The following KLC1 variants were observed in gnomAD, a reference collection of about 807,000 sequenced individuals.
The protein encoded by KLC1 is kinesin 2 60/70kDa.
In KLC1, 30 loss-of-function variants were observed where a neutral mutation model predicts 84.2. The observed-to-expected ratio is 0.36, with a 90% confidence interval of 0.27 to 0.48. KLC1 has a LOEUF of 0.48. KLC1 is among the 20% of genes least tolerant of loss of function. The probability of loss-of-function intolerance (pLI) is 0.99; values close to 1 mark genes in which losing one functional copy is unlikely to be tolerated. For missense variants in KLC1, 499 were observed against 805.4 expected (o/e 0.62, Z 4.60); for synonymous variants, 289 against 293.3 (o/e 0.99, Z 0.15).
intron 15 of KLC1, chr14:103,695,826 G>A: frequency 1.0e-6 from 1 of 985,404 alleles, no homozygotes; most frequent in Non-Finnish European, 1.2e-6. Flanking sequence ...CCTCCCTGAA[G>A]CCAGCTCATA....
chr14:103,638,183 T>C (rs925290663), intron 1 of KLC1, among the ~76,000 whole-genome samples: 2 of 152,144 alleles, frequency 1.3e-5, no homozygotes, highest in Non-Finnish European at 2.9e-5. Flanking sequence ...ACATCCCTTA[T>C]AAACCTTTGC....
intron 15 of KLC1, chr14:103,699,009 T>A: frequency 6.3e-7 from 1 of 1,587,232 alleles, no homozygotes; most frequent in Non-Finnish European, 8.6e-7. Context: ...AACACGTTCG[T>A]CCCAGAACCT....
chr14:103,676,347 C>A (rs910705234), intron 11 of KLC1, among the ~76,000 whole-genome samples: 1 of 152,130 alleles, frequency 6.6e-6, no homozygotes, highest in Non-Finnish European at 1.5e-5. Flanking sequence ...TGGCTCACTG[C>A]AACCTCCACC....
At chr14:103,649,415 C>T (rs1027247262) in intron 1 of KLC1, among the ~76,000 whole-genome samples, 2 of 151,824 alleles carry the variant, frequency 1.3e-5, no homozygotes, top group Admixed American at 1.3e-4. Flanking sequence ...TAGTGACTTA[C>T]AGTCTGTAGA....
intron 9 of KLC1, among the ~76,000 whole-genome samples, chr14:103,674,414 GTTTTC>G (rs1649105860): frequency 8.7e-6 from 1 of 115,260 alleles, no homozygotes; most frequent in African/African-American, 2.8e-5. Flanking sequence ...TCGTATGCTT[GTTTTC>G]TTTTTTTTTT....
chr14:103,685,614 T>G, intron 13 of KLC1: 1 of 1,289,290 alleles, frequency 7.8e-7, no homozygotes, highest in South Asian at 1.2e-5. Context: ...CACGTGGGTT[T>G]TCTCTCTCCT....
intron 9 of KLC1, among the ~76,000 whole-genome samples, chr14:103,674,149 A>G (rs2080674398): frequency 6.6e-6 from 1 of 152,172 alleles, no homozygotes; most frequent in Non-Finnish European, 1.5e-5. Context: ...AGAATCACCC[A>G]AATTCATCTT....
intron 1 of KLC1, among the ~76,000 whole-genome samples, chr14:103,648,439 T>C (rs2151430048): frequency 6.6e-6 from 1 of 152,278 alleles, no homozygotes; most frequent in Middle Eastern, 3.4e-3. Flanking sequence ...TCTCAATTTA[T>C]GTCCTCAGAA....
At position 103,694,950 on chromosome 14, in the gene KLC1, G is replaced by A. The variant is rs1046722599; in HGVS notation, c.1848+2525G>A. On this transcript the variant is annotated intron_variant, in intron 15 of 16. Coordinates refer to ENST00000334553, the MANE Select transcript of KLC1 (RefSeq NM_001394837.1). The surrounding 1 kb of genome is among the most constrained non-coding windows in gnomAD (Gnocchi z 4.5). ...AGACAAGCTCCGTGTAGTCGCCAGC[G>A]GGTGCCTGGCCCAGGAGCTGCCCTG... 2.8e-5 allele frequency: 28 copies of A among 985,428 alleles called. No individual in the cohort carries two copies. In the African/African-American group the frequency reaches 4.2e-4, roughly 15 times the overall value. The allele number at this position is 985,428 out of a possible 1,614,324, so 61.0% of individuals were successfully genotyped here.
In KLC1 at chr14:103,657,647, G is replaced by A. The variant is rs2078933174; in HGVS notation, c.363G>A (p.Arg121=). The A allele has an allele frequency of 6.2e-7, 1 of 1,614,040 alleles. No individual in the cohort carries two copies. The highest frequency in any genetic ancestry group is 8.5e-7 in the Non-Finnish European group (1 of 1,180,040). Residue 121 remains arginine (R), a synonymous_variant, in exon 3 of 17, where the codon CGG becomes CGA. Transcript: ENST00000334553. Reference sequence around the variant, plus strand: ...TGTGCCAGGAGAATCAGTGGCTACGGGATGAACTGGCCAACACGCAGCAGA... The same window carrying A: ...TGTGCCAGGAGAATCAGTGGCTACGAGATGAACTGGCCAACACGCAGCAGA... The part of the protein sequence containing the change: ...RRLCQENQWL[R]DELANTQQKL...
chr14:103,663,299 C>T (rs2079451265), intron 5 of KLC1, among the ~76,000 whole-genome samples: 1 of 152,064 alleles, frequency 6.6e-6, no homozygotes, highest in Non-Finnish European at 1.5e-5. Context: ...CCAGGATGGT[C>T]TCGATCTCCT....
At chr14:103,699,419 G>A (rs766900735) in intron 15 of KLC1, 1 of 1,612,386 alleles carries the variant, frequency 6.2e-7, no homozygotes, top group Admixed American at 1.7e-5. Context: ...ACGCAGCGTG[G>A]CCCCCAGGGA....
chr14:103,667,974 C>T (rs1467143746), intron 5 of KLC1, among the ~76,000 whole-genome samples: 2 of 152,342 alleles, frequency 1.3e-5, no homozygotes, highest in Middle Eastern at 3.4e-3. Flanking sequence ...AAAGATTCTT[C>T]GTTCCTCCAT....
chr14:103,629,346 G>C lies in KLC1; in HGVS notation c.-150G>C, dbSNP rs1229797206. ...TGGGTGGCCGAGGATGCTGCGGGGC[G>C]GTAGCTCCGGCGCCCCTAGCTGGTG... On this transcript the variant is annotated 5_prime_UTR_variant, in exon 1 of 17. Transcript: ENST00000334553. The C allele has an allele frequency of 6.6e-6, 1 of 152,412 alleles. No homozygotes were observed. Among genetic ancestry groups the C allele is most frequent in the Admixed American group, 6.5e-5 (1 of 15,282 alleles). 9.4% of individuals were successfully genotyped at this position (152,412 alleles called of 1,614,324 possible). A position where few individuals can be genotyped will look rare whatever the true frequency, so the allele number is the denominator to read the frequency against.
chr14:103,694,957 T>G lies in KLC1; in HGVS notation c.1848+2532T>G, dbSNP rs2082337565. 1 of 985,306 alleles carries G rather than the reference T, an allele frequency of 1.0e-6. No individual in the cohort carries two copies. Among genetic ancestry groups the G allele is most frequent in the Admixed American group, 6.1e-5 (1 of 16,264 alleles). The allele number at this position is 985,306 out of a possible 1,614,324, so 61.0% of individuals were successfully genotyped here. A position where few individuals can be genotyped will look rare whatever the true frequency, so the allele number is the denominator to read the frequency against. ...CTCCGTGTAGTCGCCAGCGGGTGCC[T>G]GGCCCAGGAGCTGCCCTGTGGAGCC... is the stretch of plus-strand genomic sequence containing the variant. On this transcript the variant is annotated intron_variant, in intron 15 of 16. Transcript: ENST00000334553. The surrounding 1 kb of genome is among the most constrained non-coding windows in gnomAD (Gnocchi z 4.5).
In KLC1 at chr14:103,651,098, C is replaced by G. The variant is rs560303870; in HGVS notation, c.-1-3466C>G. ...GATCTCCGCTCACTGCAACCTCCAC[C>G]TCCTGAGTTCAAGTGATTCTCCTGC... On this transcript the variant is annotated intron_variant, in intron 1 of 16. Coordinates refer to ENST00000334553, the MANE Select transcript of KLC1 (RefSeq NM_001394837.1). Among the ~76,000 whole-genome samples, 10 of 152,206 alleles carry G rather than the reference C, an allele frequency of 6.6e-5. No homozygotes were observed. In the South Asian group the frequency reaches 2.1e-3, roughly 32 times the overall value.
At chr14:103,684,396 G>A (rs2081611473) in intron 13 of KLC1, among the ~76,000 whole-genome samples, 1 of 152,214 alleles carries the variant, frequency 6.6e-6, no homozygotes, top group Non-Finnish European at 1.5e-5. Flanking sequence ...CTGTTAGAAT[G>A]CAGTGAATCC....
rs2080826514 is a variant in KLC1 at position 103,675,828 on chromosome 14, C to T, written c.1379+72C>T. On this transcript the variant is annotated intron_variant, in intron 11 of 16. Coordinates refer to ENST00000334553, the MANE Select transcript of KLC1 (RefSeq NM_001394837.1). ...AAGGTAATTGTGTTCTACAGGGCAG[C>T]TTATAAATGACCAATGTGTAGTGTT... 13 of 1,244,912 alleles carry T rather than the reference C, an allele frequency of 1.0e-5. No individual in the cohort carries two copies. In the South Asian group the frequency reaches 1.5e-4, roughly 14 times the overall value. 77.1% of individuals were successfully genotyped at this position (1,244,912 alleles called of 1,614,324 possible).
chr14:103,685,050 G>T, intron 13 of KLC1: 1 of 1,548,398 alleles, frequency 6.5e-7, no homozygotes, highest in Non-Finnish European at 8.7e-7. Context: ...AGTCCGAGCG[G>T]GCGGGGCGCA....
Sources: gnomAD v4.1 joint callset for allele counts (sites outside exome capture counted in the v4.1 genomes callset) on GRCh38, gnomAD v4.1.1 for gene constraint, Gnocchi (gnomAD v3.1) non-coding constraint, MANE v1.5 for transcripts, NCBI Gene and HGNC (gene_info 2026-07-23, HGNC 2026-07-21) for gene names.